MUC15: variants seen among roughly 807,000 people sequenced by gnomAD.
MUC15 encodes mucin 15, cell surface associated.
In MUC15, 23 loss-of-function variants were observed where a neutral mutation model predicts 24.0. The ratio of observed to expected loss-of-function variants is 0.96; its 90% CI spans 0.69 to 1.36. MUC15 has a LOEUF of 1.36. MUC15 is among the 40% of genes most tolerant of loss of function. The pLI is 0.00. For missense variants in MUC15, 442 were observed against 428.2 expected (o/e 1.03, Z -0.29); for synonymous variants, 151 against 156.3 (o/e 0.97, Z 0.25).
chr11:26,564,333 T>C (rs1850428777), intron 3 of MUC15, among the ~76,000 whole-genome samples: 1 of 151,530 alleles, frequency 6.6e-6, no homozygotes, highest in Non-Finnish European at 1.5e-5. Flanking sequence ...GCAACAACAT[T>C]CAAACAGGAA....
chr11:26,566,467 A>T (rs994242896), intron 2 of MUC15, among the ~76,000 whole-genome samples: 19 of 152,010 alleles, frequency 1.2e-4, no homozygotes, highest in African/African-American at 4.6e-4. Flanking sequence ...ATCTAGTTTG[A>T]ATTAATACTA....
At chr11:26,566,956 T>C in intron 2 of MUC15, 96 bp downstream of exon 2, 2 of 1,126,690 alleles carry the variant, frequency 1.8e-6, no homozygotes, top group South Asian at 6.0e-5. Flanking sequence ...AAACACTTAA[T>C]AGATGCTAAC....
intron 3 of MUC15, 62 bp from the exon 4 acceptor site, chr11:26,563,327 C>A: frequency 6.8e-7 from 1 of 1,464,684 alleles, no homozygotes; most frequent in Non-Finnish European, 9.2e-7. Context: ...GAACTCTATG[C>A]ATGTGAACTT....
intron 1 of MUC15, among the ~76,000 whole-genome samples, chr11:26,571,528 G>A (rs1239697535): frequency 6.6e-6 from 1 of 151,880 alleles, no homozygotes; most frequent in African/African-American, 2.4e-5. Flanking sequence ...GAAAATCTTT[G>A]AAAAAGATTT....
intron 4 of MUC15, 72 bp from the exon 5 acceptor site, chr11:26,561,297 T>C (rs779742173): frequency 1.6e-5 from 18 of 1,114,060 alleles, no homozygotes; most frequent in Non-Finnish European, 2.1e-5. Flanking sequence ...ATCCACCAAG[T>C]TATAGGAATT....
In MUC15 at chr11:26,571,467, A is replaced by G. The variant is rs991618398; in HGVS notation, c.-46+574T>C. Among the ~76,000 whole-genome samples, 3 of 152,128 alleles carry G rather than the reference A, an allele frequency of 2.0e-5. No homozygotes were observed. The South Asian group carries it at 6.2e-4, about 31-fold the overall frequency. On this transcript the variant is annotated intron_variant, in intron 1 of 4. Transcript: ENST00000529533. ...TGAAAGTTAGACATGTACACATATCATGCTAAATAATTATATGTACTGTAC... is the reference window on the plus strand; with the variant it reads ...TGAAAGTTAGACATGTACACATATCGTGCTAAATAATTATATGTACTGTAC...
At chr11:26,569,358 AGAAATTTAT>A (rs1289926610) in intron 1 of MUC15, among the ~76,000 whole-genome samples, 1 of 152,138 alleles carries the variant, frequency 6.6e-6, no homozygotes, top group African/African-American at 2.4e-5. Flanking sequence ...TGGTTTATTC[AGAAATTTAT>A]ACACTACAGA....
In MUC15 at chr11:26,559,360, G is replaced by T. The variant is rs1396054531; in HGVS notation, c.*1705C>A. Reference sequence around the variant, plus strand: ...TTTTGCTAACAGGAATTGCAACTAGGAATGCCTCACCTGAAAAACTAATTT... The same window carrying T: ...TTTTGCTAACAGGAATTGCAACTAGTAATGCCTCACCTGAAAAACTAATTT... On this transcript the variant is annotated 3_prime_UTR_variant, in exon 5 of 5. Coordinates refer to ENST00000529533, the MANE Select transcript of MUC15 (RefSeq NM_001135091.2). 4 of 174,924 alleles carry T rather than the reference G, an allele frequency of 2.3e-5. No homozygotes were observed. Among genetic ancestry groups the T allele is most frequent in the African/African-American group, 7.1e-5 (3 of 42,264 alleles). 10.8% of individuals were successfully genotyped at this position (174,924 alleles called of 1,614,324 possible).
intron 4 of MUC15, 192 bp downstream of exon 4, chr11:26,562,924 A>C: frequency 1.4e-6 from 1 of 710,112 alleles, no homozygotes; most frequent in Non-Finnish European, 2.0e-6. Flanking sequence ...ATGTTTTTTA[A>C]ATTTCAGTCA....
intron 1 of MUC15, among the ~76,000 whole-genome samples, chr11:26,571,202 G>C (rs1251043972): frequency 6.6e-6 from 1 of 152,030 alleles, no homozygotes; most frequent in East Asian, 1.9e-4. Context: ...TCTCCGAAAG[G>C]AAAGTTCTAG....
At chr11:26,567,438 T>G (rs1850634528) in intron 1 of MUC15, among the ~76,000 whole-genome samples, 1 of 151,898 alleles carries the variant, frequency 6.6e-6, no homozygotes, top group Non-Finnish European at 1.5e-5. Flanking sequence ...TTTTCAGCCT[T>G]GTTGATTTTT....
In MUC15 at chr11:26,567,143, G is replaced by C; in HGVS notation, c.-45-4C>G. 1 of 1,397,056 alleles carries C rather than the reference G, an allele frequency of 7.2e-7. No homozygotes were observed. Among genetic ancestry groups the C allele is most frequent in the Non-Finnish European group, 9.4e-7 (1 of 1,064,336 alleles). The allele number at this position is 1,397,056 out of a possible 1,614,324, so 86.5% of individuals were successfully genotyped here. The stretch of plus-strand genomic sequence containing the variant: ...TCACAATGGCTAGTAACAGAAGCTG[G>C]AAAATGGAAGAGGCAATATTTAAAG... On this transcript the variant is annotated splice_region_variant and splice_polypyrimidine_tract_variant and intron_variant, in intron 1 of 4. Transcript: ENST00000529533.
At chr11:26,563,877 T>G (rs1850404034) in intron 3 of MUC15, among the ~76,000 whole-genome samples, 1 of 151,800 alleles carries the variant, frequency 6.6e-6, no homozygotes, top group South Asian at 2.1e-4. Flanking sequence ...TTTCACTGTA[T>G]TATTCTTTTC....
chr11:26,564,383 C>T (rs569520325), intron 3 of MUC15, among the ~76,000 whole-genome samples: 51 of 150,916 alleles, frequency 3.4e-4, no homozygotes, highest in African/African-American at 1.2e-3. Flanking sequence ...CTAATATAAT[C>T]CTTAAGTAAA....
At chr11:26,569,067 T>C (rs1171271124) in intron 1 of MUC15, among the ~76,000 whole-genome samples, 1 of 152,062 alleles carries the variant, frequency 6.6e-6, no homozygotes, top group Non-Finnish European at 1.5e-5. Context: ...GTGAGAGACA[T>C]GGCATTGAGC....
At chr11:26,561,810 T>C (rs1850305855) in intron 4 of MUC15, among the ~76,000 whole-genome samples, 1 of 151,960 alleles carries the variant, frequency 6.6e-6, no homozygotes, top group Non-Finnish European at 1.5e-5. Flanking sequence ...AAATAGTCAT[T>C]ATTTCCTAAA....
intron 1 of MUC15, 60 bp downstream of exon 1, chr11:26,571,981 G>C: frequency 1.6e-6 from 1 of 640,056 alleles, no homozygotes; most frequent in Non-Finnish European, 1.9e-6. Context: ...TCAAGGAAGA[G>C]AGAGAGTAGA....
In MUC15 at chr11:26,563,240, G is replaced by T. The variant is rs761084763; in HGVS notation, c.801C>A (p.Phe267Leu). The T allele has an allele frequency of 4.4e-6, 7 of 1,606,698 alleles. No individual in the cohort carries two copies. In the South Asian group the frequency reaches 7.8e-5, roughly 18 times the overall value. ...CCAGAATAGCACCTAAAATGGCCCCGAATACTATTCCTGTATTTCTATTTT... is the reference window on the plus strand; with the variant it reads ...CCAGAATAGCACCTAAAATGGCCCCTAATACTATTCCTGTATTTCTATTTT... ...QKENRNTGIV[F>L]GAILGAILGV... Residue 267 changes from phenylalanine to leucine, a missense_variant, in exon 4 of 5, where the codon TTC becomes TTA. Transcript: ENST00000529533.
At chr11:26,571,694 T>G (rs1008381337) in intron 1 of MUC15, among the ~76,000 whole-genome samples, 51 of 152,184 alleles carry the variant, frequency 3.4e-4, no homozygotes, top group African/African-American at 1.2e-3. Flanking sequence ...ACTTCCACTT[T>G]AAACATTTTG....
Sources: allele counts gnomAD v4.1 joint callset (sites outside exome capture counted in the v4.1 genomes callset), GRCh38; gene constraint gnomAD v4.1.1; transcripts MANE v1.5; gene names NCBI Gene and HGNC (gene_info 2026-07-23, HGNC 2026-07-21).